The following SLC27A3 variants were observed in gnomAD, a reference collection of about 807,000 sequenced individuals.
SLC27A3 encodes the protein long-chain fatty acid transport protein 3.
A neutral mutation model predicts 60.1 loss-of-function variants in SLC27A3; 60 were observed. That is an observed-to-expected ratio of 1.00 (90% confidence interval 0.81 to 1.24). The LOEUF (loss-of-function observed/expected upper bound fraction) is 1.24, where lower values mean the gene tolerates loss of function less well. Ranked by LOEUF, SLC27A3 falls within the 50% of genes most tolerant of loss-of-function variation. The pLI is 0.00. For missense variants in SLC27A3, 1,079 were observed against 929.9 expected (o/e 1.16, Z -2.09); for synonymous variants, 455 against 409.0 (o/e 1.11, Z -1.36).
chr1:153,777,582 G>A, intron 3 of SLC27A3, 179 bp from the exon 4 acceptor site: 1 of 784,678 alleles, frequency 1.3e-6, no homozygotes, highest in Non-Finnish European at 2.1e-6. Flanking sequence ...CTAAGGCTGG[G>A]GACAGGGGCC....
Position 153,779,199 on chromosome 1 carries a change from G to A in SLC27A3, c.1732G>A (p.Val578Ile). The change falls in exon 8 of 10, where the codon GTC (valine) becomes ATC (isoleucine). Residue 578 changes from valine (V) to isoleucine (I), a missense_variant. Val to Ile is a conservative substitution (Grantham distance 29). Coordinates refer to ENST00000624995, the MANE Select transcript of SLC27A3 (RefSeq NM_024330.4). ...DFLQEVNVYG[V>I]TVPGHEGRAG... ...TCTTCAGGAGGTGAACGTCTATGGAGTCACTGTGCCAGGTGCCTAGGCATG... is the reference window on the plus strand; with the variant it reads ...TCTTCAGGAGGTGAACGTCTATGGAATCACTGTGCCAGGTGCCTAGGCATG... 6.2e-7 allele frequency: 1 copy of A among 1,614,148 alleles called. No individual in the cohort carries two copies. The highest frequency in any genetic ancestry group is 1.3e-5 in the African/African-American group (1 of 75,038).
Position 153,775,687 on chromosome 1 carries a change from G to A in SLC27A3, c.190G>A (p.Gly64Ser). Residue 64 changes from glycine (G) to serine (S), a missense_variant, in exon 1 of 10, where the codon GGC (glycine) becomes AGC (serine). Physicochemically the swap from Gly to Ser is moderately conservative, Grantham distance 56. Coordinates refer to ENST00000624995, the MANE Select transcript of SLC27A3 (RefSeq NM_024330.4). ...AAADPEGPEG[G>S]CSLAWRLAEL... is the part of the protein sequence containing the mutation. ...CGCCGACCCGGAAGGTCCCGAGGGGGGCTGCAGCCTGGCCTGGCGCCTCGC... is the reference window on the plus strand; with the variant it reads ...CGCCGACCCGGAAGGTCCCGAGGGGAGCTGCAGCCTGGCCTGGCGCCTCGC... The A allele has an allele frequency of 6.5e-7, 1 of 1,530,706 alleles. No homozygotes were observed. Among genetic ancestry groups the A allele is most frequent in the Non-Finnish European group, 8.8e-7 (1 of 1,142,174 alleles). The allele number at this position is 1,530,706 out of a possible 1,614,324, so 94.8% of individuals were successfully genotyped here.
In SLC27A3 at chr1:153,779,364, T is replaced by C. The variant is rs1484559103; in HGVS notation, c.1766T>C (p.Met589Thr). ...CCAGGGCATGAAGGCAGGGCTGGAA[T>C]GGCAGCCCTAGTTCTGCGTCCCCCC... The part of the protein sequence containing the change: ...TVPGHEGRAG[M>T]AALVLRPPHA... The change falls in exon 9 of 10, where the codon ATG becomes ACG. Residue 589 changes from methionine to threonine, a missense_variant. Coordinates refer to ENST00000624995, the MANE Select transcript of SLC27A3 (RefSeq NM_024330.4). 2.5e-6 allele frequency: 4 copies of C among 1,613,984 alleles called. No individual in the cohort carries two copies. Among genetic ancestry groups the C allele is most frequent in the Non-Finnish European group, 3.4e-6 (4 of 1,179,986 alleles).
At chr1:153,777,451 G>A in intron 3 of SLC27A3, 1 of 628,244 alleles carries the variant, frequency 1.6e-6, no homozygotes, top group Non-Finnish European at 2.8e-6. Flanking sequence ...CAAAGGCAGG[G>A]AAGGACTGTG....
intron 6 of SLC27A3, 41 bp downstream of exon 6, chr1:153,778,594 G>A: frequency 6.2e-7 from 1 of 1,609,928 alleles, no homozygotes; most frequent in Non-Finnish European, 8.5e-7. Flanking sequence ...TGCTGAAGCT[G>A]GCACAGGAGG....
chr1:153,778,485 T>C lies in SLC27A3; in HGVS notation c.1379T>C (p.Ile460Thr), dbSNP rs760994157. The C allele has an allele frequency of 5.6e-6, 9 of 1,614,070 alleles. No homozygotes were observed. The highest frequency in any genetic ancestry group is 3.3e-5 in the Admixed American group (2 of 59,998). ...LYKHIFPFSL[I>T]RYDVTTGEPI... The stretch of plus-strand genomic sequence containing the variant: ...CAGCATATCTTCCCCTTCTCCTTGA[T>C]TCGCTATGATGTCACCACAGGAGAG... Residue 460 changes from isoleucine to threonine, a missense_variant, in exon 6 of 10, where the codon ATT becomes ACT. By Grantham distance (89) the Ile-to-Thr change is moderately conservative. Coordinates refer to ENST00000624995, the MANE Select transcript of SLC27A3 (RefSeq NM_024330.4).
rs374027818 is a variant in SLC27A3 at position 153,776,481 on chromosome 1, G to C, written c.668-37G>C. 594 of 1,580,490 alleles carry C rather than the reference G, an allele frequency of 3.8e-4. 8 individuals are homozygous for C. The South Asian group carries it at 6.2e-3, about 16-fold the overall frequency. On this transcript the variant is annotated intron_variant, in intron 1 of 9. Coordinates refer to ENST00000624995, the MANE Select transcript of SLC27A3 (RefSeq NM_024330.4). ...TGGGTCATAGGCTCTTCTAGGTAGA[G>C]CCAGGGCCCCGGCGTTGTGCTTTCC...
At position 153,776,153 on chromosome 1, in the gene SLC27A3, T is replaced by TGCTGGC. The variant is rs1673211924; in HGVS notation, c.659_664dup (p.Leu220_Ala221dup). The TGCTGGC allele has an allele frequency of 4.2e-6, 6 of 1,421,462 alleles. No individual in the cohort carries two copies. Among genetic ancestry groups the TGCTGGC allele is most frequent in the East Asian group, 2.7e-5 (1 of 36,534 alleles). The allele number at this position is 1,421,462 out of a possible 1,614,324, so 88.1% of individuals were successfully genotyped here. ...CGCAGCTGCGGCGCGCGCGCGCTGG[T>TGCTGGC]GCTGGCGCCAGGTAAGGCTGGAGCT... On this transcript the variant is annotated inframe_insertion, in exon 1 of 10. Coordinates refer to ENST00000624995, the MANE Select transcript of SLC27A3 (RefSeq NM_024330.4).
At position 153,776,724 on chromosome 1, in the gene SLC27A3, A is replaced by G. The variant is rs911659848; in HGVS notation, c.874A>G (p.Thr292Ala). ...CCTGTACATCTTCACCTCTGGCACCACGGGTGAGGGCCGGGCACCATACTT... is the reference window on the plus strand; with the variant it reads ...CCTGTACATCTTCACCTCTGGCACCGCGGGTGAGGGCCGGGCACCATACTT... ...TCLYIFTSGT[T>A]GLPKAARISH... Residue 292 changes from threonine (T) to alanine (A), a missense_variant, in exon 2 of 10, where the codon ACG becomes GCG. By Grantham distance (58) the Thr-to-Ala change is moderately conservative. Transcript: ENST00000624995. The G allele has an allele frequency of 6.2e-7, 1 of 1,613,928 alleles. No individual in the cohort carries two copies. Among genetic ancestry groups the G allele is most frequent in the African/African-American group, 1.3e-5 (1 of 74,920 alleles).
chr1:153,778,835 C>T lies in SLC27A3; in HGVS notation c.1596C>T (p.Cys532=), dbSNP rs145965895. The part of the protein sequence containing the change: ...VFFNTGDLLV[C]DDQGFLRFHD... ...TCAACACTGGGGACCTGCTGGTCTG[C>T]GATGACCAAGGTTTTCTCCGCTTCC... is the stretch of plus-strand genomic sequence containing the variant. The change falls in exon 7 of 10, where the codon TGC becomes TGT. Residue 532 remains cysteine, a synonymous_variant. Coordinates refer to ENST00000624995, the MANE Select transcript of SLC27A3 (RefSeq NM_024330.4). 1.7e-4 allele frequency: 278 copies of T among 1,614,014 alleles called. No homozygotes were observed. The highest frequency in any genetic ancestry group is 1.0e-3 in the Admixed American group (60 of 60,004).
rs1228241629 is a variant in SLC27A3 at position 153,778,890 on chromosome 1, C to T, written c.1646+5C>T. Reference sequence around the variant, plus strand: ...TCGTACTGGAGACACCTTCAGGTATCTGTCCATAACTGGTTTTTCATCCTG... The same window carrying T: ...TCGTACTGGAGACACCTTCAGGTATTTGTCCATAACTGGTTTTTCATCCTG... On this transcript the variant is annotated splice_donor_5th_base_variant and intron_variant, in intron 7 of 9. Transcript: ENST00000624995. 6.2e-7 allele frequency: 1 copy of T among 1,613,532 alleles called. No homozygotes were observed. Among genetic ancestry groups the T allele is most frequent in the African/African-American group, 1.3e-5 (1 of 74,914 alleles).
rs901849091 is a variant in SLC27A3, at chr1:153,776,302, A to G, written c.667+138A>G. The stretch of plus-strand genomic sequence containing the variant: ...CCTTGGGGTTCGAAAGTGGGTGGAG[A>G]TAGGAGTCTCCGGGTTTGAGAAGGG... On this transcript the variant is annotated intron_variant, in intron 1 of 9. Coordinates refer to ENST00000624995, the MANE Select transcript of SLC27A3 (RefSeq NM_024330.4). 7.1e-6 allele frequency: 10 copies of G among 1,416,788 alleles called. No individual in the cohort carries two copies. The African/African-American group carries it at 1.3e-4, about 18-fold the overall frequency. The allele number at this position is 1,416,788 out of a possible 1,614,324, so 87.8% of individuals were successfully genotyped here.
Position 153,779,888 on chromosome 1 carries a change from C to T in SLC27A3, c.1938C>T (p.Phe646=), listed in dbSNP as rs1028516977. 14 of 1,613,912 alleles carry T rather than the reference C, an allele frequency of 8.7e-6. No homozygotes were observed. Among genetic ancestry groups the T allele is most frequent in the Admixed American group, 6.7e-5 (4 of 59,974 alleles). The change falls in exon 10 of 10, where the codon TTC becomes TTT. Residue 646 remains phenylalanine (F), a synonymous_variant. Coordinates refer to ENST00000624995, the MANE Select transcript of SLC27A3 (RefSeq NM_024330.4). The part of the protein sequence containing the change: ...QQKVRMANEG[F]DPSTLSDPLY... The stretch of plus-strand genomic sequence containing the variant: ...AAGTTCGGATGGCAAATGAGGGCTT[C>T]GACCCCAGCACCCTGTCTGACCCAC...
Position 153,775,762 on chromosome 1 carries a change from C to T in SLC27A3, c.265C>T (p.Arg89Trp), listed in dbSNP as rs756528083. 4.0e-6 allele frequency: 6 copies of T among 1,505,676 alleles called. No homozygotes were observed. Among genetic ancestry groups the T allele is most frequent in the Admixed American group, 2.3e-5 (1 of 42,994 alleles). 93.3% of individuals were successfully genotyped at this position (1,505,676 alleles called of 1,614,324 possible). The change falls in exon 1 of 10, where the codon CGG becomes TGG. Residue 89 changes from arginine to tryptophan, a missense_variant. By Grantham distance (101) the Arg-to-Trp change is moderately radical. Transcript: ENST00000624995. ...AAHTFLIHGS[R>W]RFSYSEAERE... The stretch of plus-strand genomic sequence containing the variant: ...GCACACCTTTCTCATTCACGGCTCG[C>T]GGCGCTTTAGCTACTCAGAGGCGGA...
At position 153,778,176 on chromosome 1, in the gene SLC27A3, G is replaced by A; in HGVS notation, c.1177G>A (p.Gly393Ser). ...VNQPPSKAER[G>S]HKVRLAVGSG... ...CTCATCTCAGAGCAAGGCAGAACGT[G>A]GCCATAAGGTCCGGCTGGCAGTGGG... The change falls in exon 5 of 10, where the codon GGC becomes AGC. Residue 393 changes from glycine to serine, a missense_variant. By Grantham distance (56) the Gly-to-Ser change is moderately conservative. Transcript: ENST00000624995. 10 of 1,609,992 alleles carry A rather than the reference G, an allele frequency of 6.2e-6. No individual in the cohort carries two copies. The highest frequency in any genetic ancestry group is 8.5e-6 in the Non-Finnish European group (10 of 1,179,598).
Position 153,776,523 on chromosome 1 carries a change from C to G in SLC27A3, c.673C>G (p.Leu225Val). Reference protein sequence around the residue: ...ARALVLAPEFLESLEPDLPAL... With the variant: ...ARALVLAPEFVESLEPDLPAL... ...GTGCTTTCCCACCCTTCTAGAGTTT[C>G]TGGAGTCCCTGGAGCCGGACCTGCC... Residue 225 changes from leucine (L) to valine (V), a missense_variant, in exon 2 of 10, where the codon CTG (leucine) becomes GTG (valine). Leu to Val is a conservative substitution (Grantham distance 32, BLOSUM62 1). Transcript: ENST00000624995. 1 of 1,613,536 alleles carries G rather than the reference C, an allele frequency of 6.2e-7. No individual in the cohort carries two copies. The highest frequency in any genetic ancestry group is 1.3e-5 in the African/African-American group (1 of 75,020).
chr1:153,776,815 A>C (rs889134548), intron 2 of SLC27A3, 88 bp downstream of exon 2: 1 of 1,290,948 alleles, frequency 7.7e-7, no homozygotes, highest in Non-Finnish European at 1.1e-6. Context: ...CAAAGCCCCC[A>C]GAGAGGATGC....
In SLC27A3 at chr1:153,779,859, CA is replaced by C. The variant is rs1558024362; in HGVS notation, c.1910del (p.Gln637ArgfsTer26). ...GGCCACCACAGAGACCTTCAAACAGCAGAAAGTTCGGATGGCAAATGAGGGC... is the reference window on the plus strand; with the variant it reads ...GGCCACCACAGAGACCTTCAAACAGCGAAAGTTCGGATGGCAAATGAGGGC... ...SLATTETFKQ[Q>X]KVRMANEGFD... On this transcript the variant is annotated frameshift_variant, in exon 10 of 10. Coordinates refer to ENST00000624995, the MANE Select transcript of SLC27A3 (RefSeq NM_024330.4). LOFTEE classifies it low-confidence loss of function (END_TRUNC). The C allele has an allele frequency of 6.2e-7, 1 of 1,614,114 alleles. No individual in the cohort carries two copies. The highest frequency in any genetic ancestry group is 1.1e-5 in the South Asian group (1 of 91,078).
chr1:153,776,096 C>T lies in SLC27A3; in HGVS notation c.599C>T (p.Ala200Val), dbSNP rs1474276364. The T allele has an allele frequency of 2.7e-6, 4 of 1,483,800 alleles. 1 individual carries two copies. In the South Asian group the frequency reaches 5.4e-5, roughly 20 times the overall value. 91.9% of individuals were successfully genotyped at this position (1,483,800 alleles called of 1,614,324 possible). ...AGLRTAFVPT[A>V]LRRGPLLHCL... ...CTGCGCACTGCCTTTGTGCCCACCG[C>T]CCTGCGCCGGGGCCCCCTGCTGCAC... Residue 200 changes from alanine (A) to valine (V), a missense_variant, in exon 1 of 10, where the codon GCC becomes GTC. Coordinates refer to ENST00000624995, the MANE Select transcript of SLC27A3 (RefSeq NM_024330.4).
Sources: allele counts gnomAD v4.1 joint callset, GRCh38; gene constraint gnomAD v4.1.1; transcripts MANE v1.5; gene names NCBI Gene and HGNC (gene_info 2026-07-23, HGNC 2026-07-21).